Variants in KIAA0825 observed in about 807,000 individuals in gnomAD.
KIAA0825 encodes KIAA0825.
Under a neutral mutation model 147.6 loss-of-function variants are expected in KIAA0825, and 119 were observed. That is an observed-to-expected ratio of 0.81 (90% CI 0.69 to 0.94). KIAA0825 has a LOEUF of 0.94. Ranked by LOEUF, KIAA0825 falls within the 40% of genes least tolerant of loss-of-function variation. The pLI, the probability that KIAA0825 is intolerant of heterozygous loss-of-function variation, is 0.00. For synonymous variants in KIAA0825, 470 were observed against 518.1 expected (o/e 0.91, Z 1.26); for missense variants, 1,381 against 1,472.7 (o/e 0.94, Z 1.02).
intron 1 of KIAA0825, among the ~76,000 whole-genome samples, chr5:94,597,171 T>G (rs1785457927): frequency 6.6e-6 from 1 of 152,166 alleles, no homozygotes; most frequent in African/African-American, 2.4e-5. Context: ...TTAAGGGGAA[T>G]GCTCCCAGCT....
chr5:94,264,269 T>C (rs1776639947), intron 20 of KIAA0825, among the ~76,000 whole-genome samples: 1 of 152,214 alleles, frequency 6.6e-6, no homozygotes, highest in Non-Finnish European at 1.5e-5. Flanking sequence ...TCTTTACTAC[T>C]ATGTGATTGA....
At chr5:94,329,870 G>A (rs1781088445) in intron 20 of KIAA0825, among the ~76,000 whole-genome samples, 1 of 151,722 alleles carries the variant, frequency 6.6e-6, no homozygotes, top group African/African-American at 2.4e-5. Context: ...ATATGTGGGA[G>A]CTAAAAAATT....
At chr5:94,398,613 A>G (rs1410813211) in intron 16 of KIAA0825, among the ~76,000 whole-genome samples, 6 of 152,060 alleles carry the variant, frequency 3.9e-5, no homozygotes. Context: ...TTGTATTATC[A>G]TCTATTATTA....
intron 14 of KIAA0825, among the ~76,000 whole-genome samples, chr5:94,428,332 T>A (rs1755188080): frequency 6.6e-6 from 1 of 152,140 alleles, no homozygotes; most frequent in Admixed American, 6.6e-5. Context: ...TATTGTGTGG[T>A]TGCATTTTCT....
In KIAA0825 at chr5:94,524,047, T is replaced by C; in HGVS notation, c.183A>G (p.Pro61=). The part of the protein sequence containing the change: ...EIQSEINKQC[P]GVQLQTTTDC... ...CAGTTGTTGTTTGCAGCTGCACACC[T>C]GGACATTGTTTGTTAATTTCGGACT... The change falls in exon 4 of 21, where the codon CCA becomes CCG. Residue 61 remains proline (P), a synonymous_variant. Transcript: ENST00000682413. The C allele has an allele frequency of 6.2e-7, 1 of 1,609,938 alleles. No individual in the cohort carries two copies. Among genetic ancestry groups the C allele is most frequent in the South Asian group, 1.1e-5 (1 of 90,758 alleles).
At chr5:94,205,299 A>ATATATT (rs1254935243) in intron 20 of KIAA0825, among the ~76,000 whole-genome samples, 13 of 137,904 alleles carry the variant, frequency 9.4e-5, no homozygotes, top group Non-Finnish European at 1.5e-4. Context: ...ATATATATAT[A>ATATATT]TTTTGTTTTG....
At chr5:94,464,468 A>C (rs1262622107) in intron 11 of KIAA0825, among the ~76,000 whole-genome samples, 3 of 152,220 alleles carry the variant, frequency 2.0e-5, no homozygotes, top group Non-Finnish European at 4.4e-5. Flanking sequence ...AACAAAAAAC[A>C]ACTCAAATCC....
chr5:94,436,748 C>T (rs1292602226), intron 14 of KIAA0825, among the ~76,000 whole-genome samples: 3 of 152,100 alleles, frequency 2.0e-5, no homozygotes, highest in Non-Finnish European at 4.4e-5. Context: ...TCTTCCTTTC[C>T]ATGAGCATGA....
chr5:94,325,319 A>G (rs1780582349), intron 20 of KIAA0825, among the ~76,000 whole-genome samples: 1 of 151,968 alleles, frequency 6.6e-6, no homozygotes, highest in Non-Finnish European at 1.5e-5. Flanking sequence ...TCCTTATGTT[A>G]TTATACATTT....
At chr5:94,600,502 T>C (rs1399579828) in intron 1 of KIAA0825, among the ~76,000 whole-genome samples, 1 of 152,128 alleles carries the variant, frequency 6.6e-6, no homozygotes, top group Non-Finnish European at 1.5e-5. Flanking sequence ...ATAATCATTT[T>C]TGTCATCTCA....
chr5:94,557,090 A>T (rs1776672789), intron 2 of KIAA0825, among the ~76,000 whole-genome samples: 1 of 152,016 alleles, frequency 6.6e-6, no homozygotes, highest in African/African-American at 2.4e-5. Flanking sequence ...AGCTGGCCAG[A>T]TCACATTTCT....
At chr5:94,439,907 C>T in intron 14 of KIAA0825, 75 bp downstream of exon 14, 1 of 1,421,922 alleles carries the variant, frequency 7.0e-7, no homozygotes, top group East Asian at 2.6e-5. Context: ...CAATGTTTGC[C>T]TAGGAAAAAA....
At chr5:94,569,788 C>T (rs1584923540) in intron 2 of KIAA0825, 2 of 219,640 alleles carry the variant, frequency 9.1e-6, no homozygotes, top group Non-Finnish European at 1.8e-5. Flanking sequence ...GCTACCTCCA[C>T]GCTAACGGTG....
intron 1 of KIAA0825, among the ~76,000 whole-genome samples, chr5:94,610,798 T>C (rs1297903427): frequency 8.0e-6 from 1 of 125,464 alleles, no homozygotes; most frequent in African/African-American, 3.1e-5. Flanking sequence ...TATATATATA[T>C]ATATATATAA....
rs557370094 is a variant in KIAA0825 at position 94,248,008 on chromosome 5, A to G, written c.3711-93884T>C. The stretch of plus-strand genomic sequence containing the variant: ...TAAGAATGGAATTCATGATCTCACT[A>G]CTAACTCAAAAAATGTATAGATAGG... On this transcript the variant is annotated intron_variant, in intron 20 of 20. Transcript: ENST00000682413. Among the ~76,000 whole-genome samples, 26 of 152,248 alleles carry G rather than the reference A, an allele frequency of 1.7e-4. No individual in the cohort carries two copies. The South Asian group carries it at 5.4e-3, about 32-fold the overall frequency.
intron 20 of KIAA0825, among the ~76,000 whole-genome samples, chr5:94,233,805 G>A (rs1263686989): frequency 6.6e-6 from 1 of 152,172 alleles, no homozygotes; most frequent in African/African-American, 2.4e-5. Context: ...CTGAGTTTCA[G>A]TTTATTTGTA....
At chr5:94,354,313 C>G (rs1784017265) in intron 20 of KIAA0825, among the ~76,000 whole-genome samples, 1 of 152,110 alleles carries the variant, frequency 6.6e-6, no homozygotes, top group Admixed American at 6.5e-5. Context: ...CATCCTCTCT[C>G]CAACATTTCC....
chr5:94,438,085 TC>T (rs1423134690), intron 14 of KIAA0825, among the ~76,000 whole-genome samples: 3 of 152,184 alleles, frequency 2.0e-5, no homozygotes, highest in Non-Finnish European at 4.4e-5. Flanking sequence ...AGATAACAAT[TC>T]TTCCCAATAC....
intron 17 of KIAA0825, among the ~76,000 whole-genome samples, chr5:94,394,735 A>G (rs1750400597): frequency 6.6e-6 from 1 of 152,218 alleles, no homozygotes; most frequent in Non-Finnish European, 1.5e-5. Flanking sequence ...ATGGATAATG[A>G]CATCAGGCCT....
Sources: gnomAD v4.1 joint callset for allele counts (sites outside exome capture counted in the v4.1 genomes callset) on GRCh38, gnomAD v4.1.1 for gene constraint, MANE v1.5 for transcripts, NCBI Gene and HGNC (gene_info 2026-07-23, HGNC 2026-07-21) for gene names.